BICD2: variants seen among roughly 807,000 people sequenced by gnomAD.
The protein encoded by BICD2 is BICD cargo adaptor 2.
BICD2 carries 25 observed loss-of-function variants against 72.9 expected under a neutral mutation model. The ratio of observed to expected loss-of-function variants is 0.34; its 90% CI spans 0.25 to 0.48. The LOEUF (loss-of-function observed/expected upper bound fraction) is 0.48. BICD2 is among the 20% of genes least tolerant of loss of function. The pLI, the probability that BICD2 is intolerant of heterozygous loss-of-function variation, is 0.99. For missense variants in BICD2, 894 were observed against 1,175.2 expected (o/e 0.76, Z 3.50); for synonymous variants, 501 against 516.1 (o/e 0.97, Z 0.40).
In BICD2 at chr9:92,713,616, G is replaced by C. The variant is rs1853237929; in HGVS notation, c.*1538C>G. On this transcript the variant is annotated 3_prime_UTR_variant, in exon 7 of 7. Transcript: ENST00000356884. Reference sequence around the variant, plus strand: ...GTTAGCAGGGGTCCCAGTGGCTTGGGTGTCTGCAAAGTCCCTTAGGAGTAT... The same window carrying C: ...GTTAGCAGGGGTCCCAGTGGCTTGGCTGTCTGCAAAGTCCCTTAGGAGTAT... The C allele has an allele frequency of 4.6e-6, 7 of 1,516,634 alleles. No individual in the cohort carries two copies. The highest frequency in any genetic ancestry group is 6.2e-6 in the Non-Finnish European group (7 of 1,126,782). The allele number at this position is 1,516,634 out of a possible 1,614,324, so 93.9% of individuals were successfully genotyped here.
At chr9:92,736,302 A>G (rs1853786824) in intron 1 of BICD2, among the ~76,000 whole-genome samples, 1 of 152,208 alleles carries the variant, frequency 6.6e-6, no homozygotes, top group African/African-American at 2.4e-5. Context: ...TTATATGCTA[A>G]TTATAATACA....
At chr9:92,750,718 G>C (rs1554708596) in intron 1 of BICD2, among the ~76,000 whole-genome samples, 12 of 151,974 alleles carry the variant, frequency 7.9e-5, no homozygotes, top group Non-Finnish European at 1.2e-4. Flanking sequence ...GTAGATAAAT[G>C]CCACTGCATT....
chr9:92,730,066 G>C (rs1490658900), intron 1 of BICD2, among the ~76,000 whole-genome samples: 2 of 152,178 alleles, frequency 1.3e-5, no homozygotes, highest in African/African-American at 2.4e-5. Context: ...CAGCCTCCAA[G>C]CAGGTGCCAT....
rs577532963 is a variant in BICD2 at position 92,721,971 on chromosome 9, G to A, written c.606+685C>T. On this transcript the variant is annotated intron_variant, in intron 3 of 6. Coordinates refer to ENST00000356884, the MANE Select transcript of BICD2 (RefSeq NM_001003800.2). ...ATGGTGAGACTCAGAGGATTTTGGT[G>A]GTAGAGGATTTGAGGAAAGCAAGGA... 3.9e-5 allele frequency among the ~76,000 whole-genome samples: 6 copies of A among 152,322 alleles called. No individual in the cohort carries two copies. The East Asian group carries it at 7.7e-4, about 20-fold the overall frequency.
In BICD2 at chr9:92,718,676, C is replaced by G; in HGVS notation, c.1969G>C (p.Ala657Pro). 1 of 1,614,084 alleles carries G rather than the reference C, an allele frequency of 6.2e-7. No individual in the cohort carries two copies. Among genetic ancestry groups the G allele is most frequent in the Non-Finnish European group, 8.5e-7 (1 of 1,180,014 alleles). ...ACGGCGGGGCCCAGCTCCTGAGAGGCAATGCGCTGGCGTGACAGCTCCGTG... is the reference window on the plus strand; with the variant it reads ...ACGGCGGGGCCCAGCTCCTGAGAGGGAATGCGCTGGCGTGACAGCTCCGTG... ...RTTELSRQRIASQELGPAVDK... is the reference protein window; with the variant it reads ...RTTELSRQRIPSQELGPAVDK... The change falls in exon 5 of 7, where the codon GCC (alanine) becomes CCC (proline). Residue 657 changes from alanine to proline, a missense_variant. Physicochemically the swap from Ala to Pro is conservative, Grantham distance 27. Coordinates refer to ENST00000356884, the MANE Select transcript of BICD2 (RefSeq NM_001003800.2).
At chr9:92,762,486 A>G (rs1342449455) in intron 1 of BICD2, among the ~76,000 whole-genome samples, 1 of 152,200 alleles carries the variant, frequency 6.6e-6, no homozygotes, top group Non-Finnish European at 1.5e-5. Flanking sequence ...ACAGAGCAGT[A>G]ATTTGTCCAA....
chr9:92,733,966 T>TAA (rs35019242), intron 1 of BICD2, among the ~76,000 whole-genome samples: 101 of 140,248 alleles, frequency 7.2e-4, no homozygotes, highest in Non-Finnish European at 1.2e-3. Context: ...GACTCCGTCT[T>TAA]AAAAAAAAAA....
intron 1 of BICD2, among the ~76,000 whole-genome samples, chr9:92,736,725 G>A (rs1234557509): frequency 1.3e-5 from 2 of 152,156 alleles, no homozygotes; most frequent in Admixed American, 6.5e-5. Flanking sequence ...CCACTTTCCA[G>A]TAATATCTTC....
intron 1 of BICD2, among the ~76,000 whole-genome samples, chr9:92,739,241 C>T (rs540039310): frequency 1.3e-5 from 2 of 152,346 alleles, no homozygotes; most frequent in African/African-American, 4.8e-5. Context: ...TTACCATCCC[C>T]TCAATGTTTA....
intron 4 of BICD2, among the ~76,000 whole-genome samples, 178 bp from the exon 5 acceptor site, chr9:92,719,760 G>GC (rs1448605552): frequency 2.6e-5 from 4 of 152,198 alleles, no homozygotes; most frequent in Non-Finnish European, 5.9e-5. Flanking sequence ...GGAAAGAATG[G>GC]AATTCATGCT....
chr9:92,764,649 C>T lies in BICD2; in HGVS notation c.96G>A (p.Glu32=). ...TCTTCTCACGCGTGGTCTCGGCCAG[C>T]TCGTGGGACAGCCGCTTCACCTCGG... ...LRAEVKRLSH[E]LAETTREKIQ... is the part of the protein sequence containing the mutation. Residue 32 remains glutamate (E), a synonymous_variant, in exon 1 of 7, where the codon GAG becomes GAA. Transcript: ENST00000356884. The surrounding 1 kb of genome is among the most constrained non-coding windows in gnomAD (Gnocchi z 5.5). The T allele has an allele frequency of 6.3e-7, 1 of 1,592,714 alleles. No individual in the cohort carries two copies.
chr9:92,739,233 A>AC (rs1386055475), intron 1 of BICD2, among the ~76,000 whole-genome samples: 2 of 152,142 alleles, frequency 1.3e-5, no homozygotes, highest in African/African-American at 4.8e-5. Context: ...GACTGGCTTT[A>AC]CCATCCCCTC....
At chr9:92,759,576 TGA>T (rs1245971953) in intron 1 of BICD2, among the ~76,000 whole-genome samples, 2 of 152,168 alleles carry the variant, frequency 1.3e-5, no homozygotes, top group African/African-American at 4.8e-5. Context: ...CAGCAGGGTT[TGA>T]GCCCAAGGAG....
chr9:92,729,709 T>A (rs1044536626), intron 1 of BICD2, among the ~76,000 whole-genome samples: 1 of 152,216 alleles, frequency 6.6e-6, no homozygotes, highest in African/African-American at 2.4e-5. Context: ...AGACCTGGGC[T>A]GAGCAGTCAG....
chr9:92,712,627 C>T lies in BICD2; in HGVS notation c.*2527G>A, dbSNP rs1428650966. The T allele has an allele frequency of 1.3e-5, 2 of 152,408 alleles. No individual in the cohort carries two copies. The highest frequency in any genetic ancestry group is 2.9e-5 in the Non-Finnish European group (2 of 68,026). The allele number at this position is 152,408 out of a possible 1,614,324, so 9.4% of individuals were successfully genotyped here. On this transcript the variant is annotated 3_prime_UTR_variant, in exon 7 of 7. Coordinates refer to ENST00000356884, the MANE Select transcript of BICD2 (RefSeq NM_001003800.2). ...AGTCATGCTTCACAACGTCCTAAAA[C>T]CCAGAAAATTCTGGAATTTGTAGGT...
At chr9:92,721,888 A>G (rs1853471111) in intron 3 of BICD2, among the ~76,000 whole-genome samples, 1 of 152,252 alleles carries the variant, frequency 6.6e-6, no homozygotes, top group South Asian at 2.1e-4. Context: ...GGACCAGGCT[A>G]GGAGCTCTGC....
intron 2 of BICD2, 75 bp downstream of exon 2, chr9:92,728,949 C>T: frequency 1.3e-6 from 2 of 1,526,092 alleles, no homozygotes; most frequent in East Asian, 4.7e-5. Context: ...GCCCAGCCAC[C>T]CACCAGGCAC....
intron 2 of BICD2, 31 bp downstream of exon 2, chr9:92,728,993 C>A: frequency 6.2e-7 from 1 of 1,602,532 alleles, no homozygotes; most frequent in Non-Finnish European, 8.5e-7. Flanking sequence ...ACTGCTGCAG[C>A]CACAGACTAG....
In BICD2 at chr9:92,719,322, C is replaced by T. The variant is rs1564060344; in HGVS notation, c.1323G>A (p.Val441=). 2 of 1,614,050 alleles carry T rather than the reference C, an allele frequency of 1.2e-6. No homozygotes were observed. The highest frequency in any genetic ancestry group is 2.7e-5 in the African/African-American group (2 of 74,948). Reference sequence around the variant, plus strand: ...GGAGCTCGCCAGCCTCAGCCACAGCCACATGGTACTTGCAGGCCAAGATCT... The same window carrying T: ...GGAGCTCGCCAGCCTCAGCCACAGCTACATGGTACTTGCAGGCCAAGATCT... ...GPEILACKYH[V]AVAEAGELRE... The change falls in exon 5 of 7, where the codon GTG becomes GTA. Residue 441 remains valine (V), a synonymous_variant. Coordinates refer to ENST00000356884, the MANE Select transcript of BICD2 (RefSeq NM_001003800.2).
Sources: allele counts gnomAD v4.1 joint callset (sites outside exome capture counted in the v4.1 genomes callset), GRCh38; gene constraint gnomAD v4.1.1; non-coding constraint Gnocchi (gnomAD v3.1); transcripts MANE v1.5; gene names NCBI Gene and HGNC (gene_info 2026-07-23, HGNC 2026-07-21).